Variants in BBS7 observed in about 807,000 individuals in gnomAD.
BBS7 encodes Bardet-Biedl syndrome 7, also known as BBSome complex member BBS7.
In BBS7, 50 loss-of-function variants were observed where a neutral mutation model predicts 90.3. The observed-to-expected ratio is 0.55, with a 90% CI of 0.44 to 0.70. The LOEUF is 0.70. Ranked by LOEUF, BBS7 falls within the 30% of genes least tolerant of loss-of-function variation. The probability of loss-of-function intolerance (pLI) is 0.00; values close to 1 mark genes in which losing one functional copy is unlikely to be tolerated. For missense variants in BBS7, 729 were observed against 838.9 expected (o/e 0.87, Z 1.62); for synonymous variants, 235 against 287.4 (o/e 0.82, Z 1.85).
intron 2 of BBS7, 131 bp from the exon 3 acceptor site, chr4:121,863,410 C>T: frequency 1.4e-6 from 1 of 724,354 alleles, no homozygotes; most frequent in Admixed American, 2.8e-5. Flanking sequence ...AGGAAAGACA[C>T]CCCCACAAAA....
At chr4:121,854,651 A>G in intron 7 of BBS7, 53 bp downstream of exon 7, 3 of 1,540,720 alleles carry the variant, frequency 1.9e-6, no homozygotes, top group Non-Finnish European at 2.7e-6. Context: ...ATATAATTTA[A>G]GATACTTAAT....
At chr4:121,827,860 C>A in intron 18 of BBS7, 1 of 1,059,894 alleles carries the variant, frequency 9.4e-7, no homozygotes, top group Non-Finnish European at 1.2e-6. Flanking sequence ...AGATTACATT[C>A]ATTTTATACC....
intron 3 of BBS7, among the ~76,000 whole-genome samples, chr4:121,862,083 G>A (rs894569272): frequency 6.6e-6 from 1 of 152,070 alleles, no homozygotes; most frequent in East Asian, 1.9e-4. Context: ...CCTACGAACA[G>A]GGAAGTCCAT....
chr4:121,825,972 A>G lies in BBS7; in HGVS notation c.2036T>C (p.Ile679Thr). ...GGTGCCTTTAAACTTAAATTTATCT[A>G]TGAAAAGATCAGTGATCATGCCTTT... ...RLYGMITDLF[I>T]DKFKFKGTNV... The change falls in exon 19 of 19, where the codon ATA (isoleucine) becomes ACA (threonine). Residue 679 changes from isoleucine (I) to threonine (T), a missense_variant. Coordinates refer to ENST00000264499, the MANE Select transcript of BBS7 (RefSeq NM_176824.3). The G allele has an allele frequency of 6.2e-7, 1 of 1,603,618 alleles. No homozygotes were observed. The highest frequency in any genetic ancestry group is 1.3e-5 in the African/African-American group (1 of 74,730).
intron 10 of BBS7, 58 bp from the exon 11 acceptor site, chr4:121,845,754 G>A: frequency 6.9e-7 from 1 of 1,455,122 alleles, no homozygotes; most frequent in Middle Eastern, 1.9e-4. Context: ...GAGGTCGTTA[G>A]GATGTTTACA....
In BBS7 at chr4:121,853,015, C is replaced by T. The variant is rs932897330; in HGVS notation, c.790G>A (p.Gly264Arg). Residue 264 changes from glycine (G) to arginine (R), a missense_variant, in exon 8 of 19, where the codon GGA (glycine) becomes AGA (arginine). Coordinates refer to ENST00000264499, the MANE Select transcript of BBS7 (RefSeq NM_176824.3). ...VKDLLVGRDD[G>R]MVEVYSFDNA... ...TCAAAACTATACACTTCCACCATTC[C>T]GTCATCTCTCCCAACAAGTAAATCT... 3 of 1,613,496 alleles carry T rather than the reference C, an allele frequency of 1.9e-6. No homozygotes were observed. The highest frequency in any genetic ancestry group is 2.5e-6 in the Non-Finnish European group (3 of 1,179,708).
intron 5 of BBS7, 59 bp downstream of exon 5, chr4:121,858,933 T>C: frequency 6.1e-6 from 9 of 1,483,520 alleles, no homozygotes; most frequent in Non-Finnish European, 8.4e-6. Flanking sequence ...AAGTACATAA[T>C]GTTCATTGAT....
At chr4:121,842,617 C>A (rs947810032) in intron 12 of BBS7, among the ~76,000 whole-genome samples, 1 of 152,130 alleles carries the variant, frequency 6.6e-6, no homozygotes, top group Non-Finnish European at 1.5e-5. Context: ...GCCTGGGCAA[C>A]AGAGCGAGAC....
chr4:121,857,577 G>A (rs1157658560), intron 5 of BBS7, among the ~76,000 whole-genome samples: 1 of 152,016 alleles, frequency 6.6e-6, no homozygotes, highest in Admixed American at 6.6e-5. Context: ...AAAAGCATGC[G>A]GTGCAGAGGG....
At chr4:121,862,229 G>A (rs1473686133) in intron 3 of BBS7, among the ~76,000 whole-genome samples, 2 of 152,128 alleles carry the variant, frequency 1.3e-5, no homozygotes, top group Non-Finnish European at 2.9e-5. Flanking sequence ...CTGAAAATGT[G>A]AATGTATGAC....
At chr4:121,867,292 TCA>T (rs1178650071) in intron 2 of BBS7, among the ~76,000 whole-genome samples, 2 of 152,294 alleles carry the variant, frequency 1.3e-5, no homozygotes, top group South Asian at 2.1e-4. Context: ...TTTACTGAAT[TCA>T]TTTGTCAGTT....
chr4:121,861,233 T>G (rs1458236664), intron 4 of BBS7: 1 of 296,594 alleles, frequency 3.4e-6, no homozygotes, highest in East Asian at 7.7e-5. Context: ...ATATCTAGAT[T>G]TATTTTCAAT....
At chr4:121,847,142 C>G (rs567147942) in intron 10 of BBS7, among the ~76,000 whole-genome samples, 1 of 152,082 alleles carries the variant, frequency 6.6e-6, no homozygotes, top group South Asian at 2.1e-4. Context: ...CACACACACA[C>G]AAAAAAGAAA....
chr4:121,828,455 G>A lies in BBS7; in HGVS notation c.1837C>T (p.Leu613=). The stretch of plus-strand genomic sequence containing the variant: ...TTAGCCAAAAGCAACTGGTACTCCA[G>A]CTTTGGGTGGATTAGCTTTAAAGTG... The part of the protein sequence containing the change: ...KHTLKLIHPK[L]EYQLLLAKKV... The change falls in exon 17 of 19, where the codon CTG becomes TTG. Residue 613 remains leucine (L), a synonymous_variant. Coordinates refer to ENST00000264499, the MANE Select transcript of BBS7 (RefSeq NM_176824.3). 6.2e-7 allele frequency: 1 copy of A among 1,613,914 alleles called. No individual in the cohort carries two copies. Among genetic ancestry groups the A allele is most frequent in the Non-Finnish European group, 8.5e-7 (1 of 1,179,902 alleles).
chr4:121,864,743 GGTTT>G (rs1727165185), intron 2 of BBS7, among the ~76,000 whole-genome samples: 1 of 151,694 alleles, frequency 6.6e-6, no homozygotes, highest in Admixed American at 6.6e-5. Context: ...GAAATCTGTT[GGTTT>G]ATCTTTTTTA....
intron 5 of BBS7, 24 bp downstream of exon 5, chr4:121,858,968 T>C (rs112372290): frequency 4.1e-5 from 66 of 1,603,514 alleles, no homozygotes; most frequent in African/African-American, 3.9e-4. Flanking sequence ...TATAAAAAAT[T>C]AGAAAAATAC....
intron 5 of BBS7, chr4:121,858,467 T>C (rs1726800755): frequency 6.3e-6 from 1 of 159,926 alleles, no homozygotes; most frequent in Non-Finnish European, 1.4e-5. Flanking sequence ...CCTGAAGCAG[T>C]TGTTTTAGCC....
chr4:121,869,301 G>C (rs966017789), intron 1 of BBS7, among the ~76,000 whole-genome samples: 2 of 152,150 alleles, frequency 1.3e-5, no homozygotes, highest in African/African-American at 2.4e-5. Context: ...TTTTAGGTCT[G>C]AAAGAAATTC....
rs1727389445 is a variant in BBS7, at chr4:121,868,191, A to AT, written c.37-146dup. The AT allele has an allele frequency of 6.7e-6, 5 of 748,154 alleles. No individual in the cohort carries two copies. The Admixed American group carries it at 1.0e-4, about 15-fold the overall frequency. 46.3% of individuals were successfully genotyped at this position (748,154 alleles called of 1,614,324 possible). A position where few individuals can be genotyped will look rare whatever the true frequency, so the allele number is the denominator to read the frequency against. On this transcript the variant is annotated intron_variant, in intron 1 of 18. Transcript: ENST00000264499. ...AATTTATTTTCTAATGAGATATGTC[A>AT]TATTAGTCAGAATACATATAGGAAA... is the stretch of plus-strand genomic sequence containing the variant.
Sources: allele counts gnomAD v4.1 joint callset (sites outside exome capture counted in the v4.1 genomes callset), GRCh38; gene constraint gnomAD v4.1.1; transcripts MANE v1.5; gene names NCBI Gene and HGNC (gene_info 2026-07-23, HGNC 2026-07-21).